HNF4G: variants seen among roughly 807,000 people sequenced by gnomAD.
The protein encoded by HNF4G is hepatocyte nuclear factor 4 gamma.
A neutral mutation model predicts 50.9 loss-of-function variants in HNF4G; 21 were observed. The ratio of observed to expected loss-of-function variants is 0.41; its 90% CI spans 0.29 to 0.59. The LOEUF (loss-of-function observed/expected upper bound fraction) is 0.59. HNF4G is among the 20% of genes least tolerant of loss of function. The probability of loss-of-function intolerance (pLI) is 0.26; values close to 1 mark genes in which losing one functional copy is unlikely to be tolerated. For missense variants in HNF4G, 527 were observed against 559.4 expected (o/e 0.94, Z 0.58); for synonymous variants, 198 against 185.6 (o/e 1.07, Z -0.54).
intron 2 of HNF4G, among the ~76,000 whole-genome samples, chr8:75,511,870 G>A (rs1805763300): frequency 6.6e-6 from 1 of 152,178 alleles, no homozygotes; most frequent in African/African-American, 2.4e-5. Context: ...GAGCCACCAC[G>A]CCTGGCCTAG....
intron 1 of HNF4G, among the ~76,000 whole-genome samples, chr8:75,476,134 T>C (rs1224822077): frequency 3.9e-5 from 6 of 152,160 alleles, no homozygotes; most frequent in Non-Finnish European, 8.8e-5. Flanking sequence ...GTGTCTATTG[T>C]TTCCATCTTT....
At chr8:75,516,938 G>A (rs1374608940) in intron 2 of HNF4G, among the ~76,000 whole-genome samples, 1 of 152,064 alleles carries the variant, frequency 6.6e-6, no homozygotes, top group Non-Finnish European at 1.5e-5. Flanking sequence ...ACATACCCAA[G>A]ACTGGGTAAC....
intron 1 of HNF4G, among the ~76,000 whole-genome samples, chr8:75,443,297 T>C (rs780762495): frequency 6.6e-6 from 1 of 152,158 alleles, no homozygotes; most frequent in Non-Finnish European, 1.5e-5. Flanking sequence ...TATACCAGCC[T>C]GAAGGAACTA....
chr8:75,435,425 A>G (rs1216878800), intron 1 of HNF4G, among the ~76,000 whole-genome samples: 4 of 152,196 alleles, frequency 2.6e-5, no homozygotes, highest in African/African-American at 9.6e-5. Flanking sequence ...AAGTGCAGCT[A>G]TCGAACTTTT....
At chr8:75,536,661 A>C (rs1806474326), upstream of HNF4G, among the ~76,000 whole-genome samples, 3 of 152,078 alleles carry the variant, frequency 2.0e-5, no homozygotes, top group African/African-American at 7.2e-5. Context: ...TAATAATTTC[A>C]TTTTTTAATT....
At chr8:75,557,950 A>T (rs1807180710) in intron 6 of HNF4G, among the ~76,000 whole-genome samples, 2 of 152,118 alleles carry the variant, frequency 1.3e-5, no homozygotes, top group African/African-American at 2.4e-5. Context: ...CAGCCTTATA[A>T]AGTGGTTATC....
At chr8:75,448,487 T>TAAA (rs36100694) in intron 1 of HNF4G, among the ~76,000 whole-genome samples, 1 of 105,874 alleles carries the variant, frequency 9.4e-6, no homozygotes, top group Non-Finnish European at 1.8e-5. Context: ...AAGACCTCTT[T>TAAA]AAAAAAAAAA....
intron 2 of HNF4G, among the ~76,000 whole-genome samples, chr8:75,516,673 T>A (rs995388025): frequency 1.3e-5 from 2 of 152,218 alleles, no homozygotes; most frequent in Non-Finnish European, 2.9e-5. Context: ...AGAATTCAAC[T>A]GTTATTGTGA....
chr8:75,444,588 A>C (rs1811374467), intron 1 of HNF4G, among the ~76,000 whole-genome samples: 1 of 131,484 alleles, frequency 7.6e-6, no homozygotes, highest in South Asian at 2.6e-4. Context: ...AGGAAGATCT[A>C]CCAAGCAAAT....
chr8:75,473,880 G>A (rs975722630), intron 1 of HNF4G, among the ~76,000 whole-genome samples: 7 of 152,058 alleles, frequency 4.6e-5, no homozygotes, highest in Non-Finnish European at 1.5e-5. Context: ...AAGTGAATGT[G>A]TGATGACAAA....
chr8:75,478,229 G>T (rs1363108161), intron 1 of HNF4G, among the ~76,000 whole-genome samples: 2 of 152,044 alleles, frequency 1.3e-5, no homozygotes, highest in African/African-American at 2.4e-5. Flanking sequence ...TGGGAGGATC[G>T]CTTGAGCCCA....
At chr8:75,518,466 C>G (rs1330952403) in intron 2 of HNF4G, among the ~76,000 whole-genome samples, 2 of 152,068 alleles carry the variant, frequency 1.3e-5, no homozygotes, top group Non-Finnish European at 2.9e-5. Flanking sequence ...TTTGACCCAG[C>G]CATCCCATTA....
chr8:75,416,193 A>T (rs1377297436), intron 1 of HNF4G, among the ~76,000 whole-genome samples: 1 of 152,110 alleles, frequency 6.6e-6, no homozygotes, highest in Non-Finnish European at 1.5e-5. Context: ...GAATTCAAAG[A>T]ACTTACTTTT....
intron 1 of HNF4G, among the ~76,000 whole-genome samples, chr8:75,477,783 T>C (rs1441471521): frequency 4.0e-5 from 6 of 151,300 alleles, no homozygotes; most frequent in Admixed American, 2.6e-4. Context: ...GTCTGACCGA[T>C]ATGGAGAAAC....
chr8:75,409,772 C>G (rs1810455960), intron 1 of HNF4G, among the ~76,000 whole-genome samples: 1 of 152,102 alleles, frequency 6.6e-6, no homozygotes, highest in East Asian at 1.9e-4. Context: ...TAGGAGTGAG[C>G]CACCCCACCC....
In HNF4G at chr8:75,551,503, G is replaced by A. The variant is rs1399259541; in HGVS notation, c.489+9G>A. On this transcript the variant is annotated intron_variant, in intron 4 of 9. Coordinates refer to ENST00000396423, the MANE Select transcript of HNF4G (RefSeq NM_004133.5). ...AAGTTCGGTCTCGCCAGGTACCTGT[G>A]GCACGGCAGCATCAAACCCTATTTA... The A allele has an allele frequency of 3.4e-6, 5 of 1,481,304 alleles. No individual in the cohort carries two copies. Among genetic ancestry groups the A allele is most frequent in the African/African-American group, 1.4e-5 (1 of 72,194 alleles). The allele number at this position is 1,481,304 out of a possible 1,614,324, so 91.8% of individuals were successfully genotyped here.
intron 1 of HNF4G, among the ~76,000 whole-genome samples, chr8:75,488,977 C>A (rs1812558605): frequency 6.6e-6 from 1 of 152,178 alleles, no homozygotes; most frequent in Non-Finnish European, 1.5e-5. Flanking sequence ...GGAAAGACCA[C>A]TGTTAGCTTT....
chr8:75,415,694 CGGG>C (rs1810617392), intron 1 of HNF4G, among the ~76,000 whole-genome samples: 1 of 151,898 alleles, frequency 6.6e-6, no homozygotes, highest in South Asian at 2.1e-4. Flanking sequence ...CGCAGAGACT[CGGG>C]GCCATGTGAA....
chr8:75,509,308 C>T (rs1278472061), intron 2 of HNF4G, among the ~76,000 whole-genome samples: 1 of 152,122 alleles, frequency 6.6e-6, no homozygotes, highest in Non-Finnish European at 1.5e-5. Flanking sequence ...AAGGTGGAAA[C>T]CCCTGGGAGT....
Sources: allele counts gnomAD v4.1 joint callset (sites outside exome capture counted in the v4.1 genomes callset), GRCh38; gene constraint gnomAD v4.1.1; transcripts MANE v1.5; gene names NCBI Gene and HGNC (gene_info 2026-07-23, HGNC 2026-07-21).